TACR3: variants seen among roughly 807,000 people sequenced by gnomAD.
The protein encoded by TACR3 is tachykinin receptor 3.
A neutral mutation model predicts 35.0 loss-of-function variants in TACR3; 34 were observed. The observed-to-expected ratio is 0.97, with a 90% CI of 0.74 to 1.30. TACR3 has a LOEUF of 1.30. Ranked by LOEUF, TACR3 falls within the 50% of genes most tolerant of loss-of-function variation. The probability of loss-of-function intolerance (pLI) is 0.00; values close to 1 mark genes in which losing one functional copy is unlikely to be tolerated. For synonymous variants in TACR3, 233 were observed against 221.1 expected, an observed-to-expected ratio of 1.05 and a Z score of -0.48; for missense variants, 558 against 591.7, an observed-to-expected ratio of 0.94 and a Z score of 0.59.
At chr4:103,659,528 C>T (rs768135647) in intron 1 of TACR3, among the ~76,000 whole-genome samples, 12 of 152,124 alleles carry the variant, frequency 7.9e-5, no homozygotes, top group Non-Finnish European at 1.2e-4. Flanking sequence ...TCAGAATTTC[C>T]GTGATTAATA....
At chr4:103,695,076 C>G (rs2110219200) in intron 1 of TACR3, among the ~76,000 whole-genome samples, 1 of 152,116 alleles carries the variant, frequency 6.6e-6, no homozygotes, top group Admixed American at 6.5e-5. Context: ...AATCAGAAAA[C>G]TTTTAGACAA....
rs1158825146 is a variant in TACR3, at chr4:103,587,821, T to C, written c.*1861A>G. 1 of 152,136 alleles carries C rather than the reference T, an allele frequency of 6.6e-6. No homozygotes were observed. Among genetic ancestry groups the C allele is most frequent in the Non-Finnish European group, 1.5e-5 (1 of 67,996 alleles). The allele number at this position is 152,136 out of a possible 1,614,324, so 9.4% of individuals were successfully genotyped here. On this transcript the variant is annotated 3_prime_UTR_variant, in exon 5 of 5. Coordinates refer to ENST00000304883, the MANE Select transcript of TACR3 (RefSeq NM_001059.3). ...ATTATATTCAAACAATTAGATACTA[T>C]ATATTAAATTTGCTTATTTAAAACA... is the stretch of plus-strand genomic sequence containing the variant.
In TACR3 at chr4:103,696,327, T is replaced by C. The variant is rs552641836; in HGVS notation, c.548+22801A>G. Among the ~76,000 whole-genome samples, 143 of 152,276 alleles carry C rather than the reference T, an allele frequency of 9.4e-4. 2 individuals are homozygous for C. The highest frequency in any genetic ancestry group is 1.2e-3 in the Non-Finnish European group (84 of 68,006). On this transcript the variant is annotated intron_variant, in intron 1 of 4. Coordinates refer to ENST00000304883, the MANE Select transcript of TACR3 (RefSeq NM_001059.3). Reference sequence around the variant, plus strand: ...TTTGATAAAAGATCAGAAACTCCCTTACTCTCAGTTATAAATACATAGAGA... The same window carrying C: ...TTTGATAAAAGATCAGAAACTCCCTCACTCTCAGTTATAAATACATAGAGA...
In TACR3 at chr4:103,587,297, A is replaced by T. The variant is rs553406301; in HGVS notation, c.*2385T>A. The T allele has an allele frequency of 3.5e-4, 53 of 152,236 alleles. No individual in the cohort carries two copies. Among genetic ancestry groups the T allele is most frequent in the African/African-American group, 1.3e-3 (53 of 41,566 alleles). The allele number at this position is 152,236 out of a possible 1,614,324, so 9.4% of individuals were successfully genotyped here. ...GTCGTTTAAATTTTTGAACTTAAAA[A>T]ATTCTGCCTATAGGTCTCAGTTTAA... is the stretch of plus-strand genomic sequence containing the variant. On this transcript the variant is annotated 3_prime_UTR_variant, in exon 5 of 5. Coordinates refer to ENST00000304883, the MANE Select transcript of TACR3 (RefSeq NM_001059.3).
chr4:103,614,502 G>A (rs899209116), intron 3 of TACR3, among the ~76,000 whole-genome samples: 3 of 152,150 alleles, frequency 2.0e-5, no homozygotes, highest in African/African-American at 7.2e-5. Flanking sequence ...TTCATGGAAT[G>A]GTTACAGTCA....
chr4:103,654,374 A>T (rs965007518), intron 3 of TACR3, among the ~76,000 whole-genome samples: 1 of 150,998 alleles, frequency 6.6e-6, no homozygotes, highest in Non-Finnish European at 1.5e-5. Flanking sequence ...GCCATAAAAA[A>T]TGATGAGTTC....
In TACR3 at chr4:103,628,672, A is replaced by G. The variant is rs537991764; in HGVS notation, c.888+27522T>C. Among the ~76,000 whole-genome samples, 433 of 152,280 alleles carry G rather than the reference A, an allele frequency of 2.8e-3. 2 individuals carry two copies. The highest frequency in any genetic ancestry group is 5.2e-3 in the Non-Finnish European group (354 of 68,014). On this transcript the variant is annotated intron_variant, in intron 3 of 4. Transcript: ENST00000304883. ...GCAATAATTAATAGCCCACCAACCAAAAAAATCCAGGACCAGATAGATTCA... is the reference window on the plus strand; with the variant it reads ...GCAATAATTAATAGCCCACCAACCAGAAAAATCCAGGACCAGATAGATTCA...
In TACR3 at chr4:103,589,576, TTC is replaced by T. The variant is rs1353931696; in HGVS notation, c.*104_*105del. On this transcript the variant is annotated 3_prime_UTR_variant, in exon 5 of 5. Transcript: ENST00000304883. ...TGACCATAGCTGCCTAAAAATTGCTTTCTGTTTCTAGAGGGTATATAGGACAG... is the reference window on the plus strand; with the variant it reads ...TGACCATAGCTGCCTAAAAATTGCTTTGTTTCTAGAGGGTATATAGGACAG... 2 of 1,358,774 alleles carry T rather than the reference TTC, an allele frequency of 1.5e-6. No individual in the cohort carries two copies. Among genetic ancestry groups the T allele is most frequent in the Non-Finnish European group, 2.1e-6 (2 of 969,452 alleles). 84.2% of individuals were successfully genotyped at this position (1,358,774 alleles called of 1,614,324 possible). A position where few individuals can be genotyped will look rare whatever the true frequency, so the allele number is the denominator to read the frequency against.
At chr4:103,716,847 A>G (rs1723101607) in intron 1 of TACR3, among the ~76,000 whole-genome samples, 1 of 152,246 alleles carries the variant, frequency 6.6e-6, no homozygotes, top group Non-Finnish European at 1.5e-5. Context: ...TGAAGTTTTC[A>G]CACTTCAATT....
At chr4:103,600,186 G>T (rs1578220150) in intron 3 of TACR3, among the ~76,000 whole-genome samples, 3 of 152,204 alleles carry the variant, frequency 2.0e-5, no homozygotes, top group African/African-American at 7.2e-5. Flanking sequence ...AGTCTTGGGA[G>T]GGTGTATGTG....
chr4:103,679,022 A>G (rs1726232852), intron 1 of TACR3, among the ~76,000 whole-genome samples: 1 of 152,012 alleles, frequency 6.6e-6, no homozygotes, highest in Non-Finnish European at 1.5e-5. Flanking sequence ...CAGAAAGTTC[A>G]CACCAAATTA....
chr4:103,697,562 C>T (rs1397606270), intron 1 of TACR3, among the ~76,000 whole-genome samples: 1 of 151,864 alleles, frequency 6.6e-6, no homozygotes, highest in Non-Finnish European at 1.5e-5. Flanking sequence ...GTAACTGGGA[C>T]TACAGGCGCC....
intron 1 of TACR3, among the ~76,000 whole-genome samples, chr4:103,683,126 G>C (rs987888835): frequency 1.4e-4 from 22 of 152,076 alleles, no homozygotes; most frequent in Non-Finnish European, 2.5e-4. Context: ...CAAAGAAAAA[G>C]TCTACAGAAA....
At chr4:103,597,889 T>A (rs149021027) in intron 3 of TACR3, among the ~76,000 whole-genome samples, 1 of 152,182 alleles carries the variant, frequency 6.6e-6, no homozygotes, top group African/African-American at 2.4e-5. Flanking sequence ...TCTTTGCTAT[T>A]GTGAATAGTG....
intron 2 of TACR3, 96 bp downstream of exon 2, chr4:103,658,119 G>T: frequency 8.2e-7 from 1 of 1,214,382 alleles, no homozygotes; most frequent in East Asian, 2.4e-5. Context: ...TGAACCCTGG[G>T]GGAAATGTCA....
chr4:103,679,394 T>C (rs1487239351), intron 1 of TACR3, among the ~76,000 whole-genome samples: 1 of 151,994 alleles, frequency 6.6e-6, no homozygotes, highest in Admixed American at 6.6e-5. Context: ...AATTGTTAGG[T>C]GGTGAAAGTA....
chr4:103,660,150 G>A (rs1283002059), intron 1 of TACR3, among the ~76,000 whole-genome samples: 1 of 151,886 alleles, frequency 6.6e-6, no homozygotes, highest in Non-Finnish European at 1.5e-5. Flanking sequence ...ATTTTCAGAA[G>A]ATATTGTGAA....
intron 3 of TACR3, among the ~76,000 whole-genome samples, chr4:103,600,119 A>C (rs1016759284): frequency 6.6e-6 from 1 of 151,326 alleles, no homozygotes; most frequent in Non-Finnish European, 1.5e-5. Context: ...ATTGATTATT[A>C]CCTCAATTTC....
chr4:103,612,083 A>G (rs13107718), intron 3 of TACR3, among the ~76,000 whole-genome samples: 75,933 of 151,984 alleles, frequency 0.5, 22,919 homozygotes, highest in Non-Finnish European at 0.65. Context: ...ACTTAAAATA[A>G]TTTTCTTATT....
Sources: gnomAD v4.1 joint callset for allele counts (sites outside exome capture counted in the v4.1 genomes callset) on GRCh38, gnomAD v4.1.1 for gene constraint, MANE v1.5 for transcripts, NCBI Gene and HGNC (gene_info 2026-07-23, HGNC 2026-07-21) for gene names.